WDR19: variants seen among roughly 807,000 people sequenced by gnomAD.
WDR19 encodes WD repeat-containing protein 19.
WDR19 carries 121 observed loss-of-function variants against 180.0 expected under a neutral mutation model. That is an observed-to-expected ratio of 0.67 (90% CI 0.58 to 0.78). The LOEUF is 0.78. Among genes scored for constraint, WDR19 ranks in the 30% least tolerant of loss-of-function variants. WDR19 has a pLI of 0.00. For synonymous variants in WDR19, 497 were observed against 540.7 expected (o/e 0.92, Z 1.12); for missense variants, 1,450 against 1,640.7 (o/e 0.88, Z 2.01).
intron 36 of WDR19, among the ~76,000 whole-genome samples, chr4:39,280,007 G>A (rs1736312629): frequency 6.9e-6 from 1 of 145,450 alleles, no homozygotes; most frequent in Non-Finnish European, 1.5e-5. Flanking sequence ...CCAGCCGGGT[G>A]TTTGTCTTTT....
chr4:39,238,783 C>G (rs1731617097), intron 20 of WDR19, among the ~76,000 whole-genome samples: 1 of 152,132 alleles, frequency 6.6e-6, no homozygotes, highest in African/African-American at 2.4e-5. Context: ...TGAGGTAGAT[C>G]TCAAATCATG....
intron 4 of WDR19, among the ~76,000 whole-genome samples, chr4:39,193,543 C>A (rs1301394337): frequency 6.6e-6 from 1 of 152,100 alleles, no homozygotes; most frequent in African/African-American, 2.4e-5. Flanking sequence ...TATTTTTTCT[C>A]TTCCAAGTAA....
chr4:39,222,051 TGA>T (rs1217900320), intron 14 of WDR19, among the ~76,000 whole-genome samples: 1 of 152,220 alleles, frequency 6.6e-6, no homozygotes, highest in East Asian at 1.9e-4. Context: ...CAACAGTGTG[TGA>T]GTGTTCCAGT....
Position 39,186,612 on chromosome 4 carries a change from CAGA to C in WDR19, c.164+11_164+13del. The C allele has an allele frequency of 6.5e-7, 1 of 1,528,356 alleles. No homozygotes were observed. The highest frequency in any genetic ancestry group is 8.8e-7 in the Non-Finnish European group (1 of 1,141,280). 94.7% of individuals were successfully genotyped at this position (1,528,356 alleles called of 1,614,324 possible). A position where few individuals can be genotyped will look rare whatever the true frequency, so the allele number is the denominator to read the frequency against. Reference sequence around the variant, plus strand: ...TGAAATTAACTTACCTGGGTAAGTACAGAAGTAGATTTAAAAAAACCTGTCAAG... The same window carrying C: ...TGAAATTAACTTACCTGGGTAAGTACAGTAGATTTAAAAAAACCTGTCAAG... On this transcript the variant is annotated intron_variant, in intron 3 of 36. Transcript: ENST00000399820.
At chr4:39,195,451 C>T (rs1028218435) in intron 5 of WDR19, among the ~76,000 whole-genome samples, 3 of 151,766 alleles carry the variant, frequency 2.0e-5, no homozygotes, top group African/African-American at 7.3e-5. Context: ...TGACCCCTCA[C>T]CTTCTCCAAA....
intron 5 of WDR19, 138 bp from the exon 6 acceptor site, chr4:39,199,340 A>G: frequency 1.6e-6 from 1 of 640,592 alleles, no homozygotes; most frequent in Non-Finnish European, 2.7e-6. Context: ...TGTTTTAAAT[A>G]AGGTTGCGTA....
At chr4:39,235,768 G>A (rs2109380421) in intron 20 of WDR19, among the ~76,000 whole-genome samples, 2 of 151,174 alleles carry the variant, frequency 1.3e-5, no homozygotes, top group East Asian at 1.9e-4. Context: ...AATCTGCAAG[G>A]AACTCAAACA....
intron 9 of WDR19, among the ~76,000 whole-genome samples, chr4:39,207,621 C>G (rs999427361): frequency 1.3e-5 from 2 of 152,076 alleles, no homozygotes; most frequent in Non-Finnish European, 2.9e-5. Flanking sequence ...AAAATAAAAG[C>G]ATTGTCAACT....
intron 14 of WDR19, among the ~76,000 whole-genome samples, chr4:39,220,559 G>GGTT (rs1491452795): frequency 2.5e-5 from 1 of 39,804 alleles, no homozygotes; most frequent in Non-Finnish European, 4.9e-5. Context: ...AGACCTCCTT[G>GGTT]ATTTTTTTTT....
chr4:39,246,756 C>G (rs892569108), intron 24 of WDR19, among the ~76,000 whole-genome samples: 5 of 152,216 alleles, frequency 3.3e-5, no homozygotes, highest in Non-Finnish European at 5.9e-5. Flanking sequence ...TCACTCATTG[C>G]TAGCACAGCA....
intron 36 of WDR19, among the ~76,000 whole-genome samples, chr4:39,283,320 T>A (rs1042754504): frequency 2.0e-5 from 3 of 152,220 alleles, no homozygotes; most frequent in African/African-American, 4.8e-5. Flanking sequence ...TATTGCTGGA[T>A]TATTTTGCTA....
chr4:39,267,552 T>C (rs747975418), intron 29 of WDR19, among the ~76,000 whole-genome samples: 112 of 152,148 alleles, frequency 7.4e-4, no homozygotes, highest in Non-Finnish European at 1.4e-3. Context: ...TCAGAGAAAA[T>C]TGATATGCAT....
At chr4:39,233,172 T>C (rs1248321974) in intron 19 of WDR19, among the ~76,000 whole-genome samples, 1 of 152,118 alleles carries the variant, frequency 6.6e-6, no homozygotes, top group Non-Finnish European at 1.5e-5. Context: ...AATTCTGTTG[T>C]GTATTAAAAG....
intron 31 of WDR19, 148 bp downstream of exon 31, chr4:39,270,248 A>G: frequency 8.6e-7 from 1 of 1,157,600 alleles, no homozygotes; most frequent in East Asian, 2.6e-5. Context: ...ACATATCTAC[A>G]ATACGCTGCT....
intron 5 of WDR19, among the ~76,000 whole-genome samples, chr4:39,198,332 G>A (rs984816727): frequency 6.6e-6 from 1 of 151,990 alleles, no homozygotes; most frequent in African/African-American, 2.4e-5. Flanking sequence ...GCCGAGGCGG[G>A]CGGATAACAA....
intron 36 of WDR19, among the ~76,000 whole-genome samples, chr4:39,280,920 C>T (rs1016953750): frequency 1.3e-5 from 2 of 152,120 alleles, no homozygotes; most frequent in African/African-American, 4.8e-5. Context: ...GATAGGGATG[C>T]AGCTTCCTTC....
rs561174402 is a variant in WDR19 at position 39,277,037 on chromosome 4, A to G, written c.3734A>G (p.Glu1245Gly). The change falls in exon 34 of 37, where the codon GAG becomes GGG. Residue 1245 changes from glutamate to glycine, a missense_variant. By Grantham distance (98) the Glu-to-Gly change is moderately conservative. Coordinates refer to ENST00000399820, the MANE Select transcript of WDR19 (RefSeq NM_025132.4). ...EGMVRRPDIS[E>G]IEEATTPCPF... ...CCTCACAGGAGACCCGATATATCTGAGATAGAAGAGGCCACGACTCCATGT... is the reference window on the plus strand; with the variant it reads ...CCTCACAGGAGACCCGATATATCTGGGATAGAAGAGGCCACGACTCCATGT... 1.2e-6 allele frequency: 2 copies of G among 1,613,914 alleles called. No homozygotes were observed. Among genetic ancestry groups the G allele is most frequent in the South Asian group, 2.2e-5 (2 of 91,070 alleles).
intron 19 of WDR19, among the ~76,000 whole-genome samples, chr4:39,233,955 C>T (rs969973539): frequency 6.6e-6 from 1 of 152,148 alleles, no homozygotes; most frequent in East Asian, 1.9e-4. Context: ...GATGAGTTAA[C>T]CAGGTGAAGA....
chr4:39,198,227 A>C (rs1407012030), intron 5 of WDR19, among the ~76,000 whole-genome samples: 1 of 152,186 alleles, frequency 6.6e-6, no homozygotes, highest in Non-Finnish European at 1.5e-5. Flanking sequence ...GCTGAATATA[A>C]GTAAAGTTAA....
Sources: gnomAD v4.1 joint callset for allele counts (sites outside exome capture counted in the v4.1 genomes callset) on GRCh38, gnomAD v4.1.1 for gene constraint, MANE v1.5 for transcripts, NCBI Gene and HGNC (gene_info 2026-07-23, HGNC 2026-07-21) for gene names.